NLRC3: variants seen among roughly 807,000 people sequenced by gnomAD.
The protein encoded by NLRC3 is NLR family CARD domain containing 3, also known as NLR family CARD domain-containing protein 3.
NLRC3 carries 87 observed loss-of-function variants against 91.6 expected under a neutral mutation model. The observed-to-expected ratio is 0.95, with a 90% confidence interval of 0.80 to 1.14. The LOEUF is 1.14. Ranked by LOEUF, NLRC3 falls within the 50% of genes most tolerant of loss-of-function variation. The pLI is 0.00. For synonymous variants in NLRC3, 694 were observed against 625.3 expected, an observed-to-expected ratio of 1.11 and a Z score of -1.64; for missense variants, 1,577 against 1,418.6, an observed-to-expected ratio of 1.11 and a Z score of -1.79.
chr16:3,572,763 A>G (rs760185374), intron 1 of NLRC3, among the ~76,000 whole-genome samples: 2 of 152,182 alleles, frequency 1.3e-5, no homozygotes, highest in Non-Finnish European at 2.9e-5. Flanking sequence ...CTGTAATCCT[A>G]GCACTTTGGG....
At chr16:3,545,086 A>G (rs1218316427) in intron 15 of NLRC3, 1 of 152,220 alleles carries the variant, frequency 6.6e-6, no homozygotes, top group Non-Finnish European at 1.5e-5. Context: ...TGAGTGACTG[A>G]GTTTAGCTCA....
At chr16:3,568,492 G>A (rs1310051198) in intron 1 of NLRC3, among the ~76,000 whole-genome samples, 1 of 152,228 alleles carries the variant, frequency 6.6e-6, no homozygotes, top group East Asian at 1.9e-4. Flanking sequence ...GGGAGGCTGA[G>A]GTAGGAGGAT....
At chr16:3,544,162 G>GA (rs60164526) in intron 16 of NLRC3, 84 bp downstream of exon 16, 26,176 of 667,238 alleles carry the variant, frequency 0.039, 4 homozygotes, top group Middle Eastern at 0.046. Context: ...TTGTCTCGAG[G>GA]AAAAAAAAAA....
At chr16:3,577,024 G>C in intron 1 of NLRC3, 125 bp downstream of exon 1, 1 of 680,698 alleles carries the variant, frequency 1.5e-6, no homozygotes, top group South Asian at 1.5e-5. Flanking sequence ...CAGCTTCTTG[G>C]AGTCTCGTGG....
Position 3,544,265 on chromosome 16 carries a change from T to G in NLRC3, c.2836A>C (p.Thr946Pro). ...ACTTACTAGAGAGCAGTGAGGGCTG[T>G]GTTGACCTTCAGTGCACGGGCCACC... ...CAVARALKVNTALTALYLQVA... is the reference protein window; with the variant it reads ...CAVARALKVNPALTALYLQVA... The change falls in exon 16 of 20, where the codon ACA (threonine) becomes CCA (proline). Residue 946 changes from threonine (T) to proline (P), a missense_variant. Coordinates refer to ENST00000359128, the MANE Select transcript of NLRC3 (RefSeq NM_178844.4). 1 of 1,610,870 alleles carries G rather than the reference T, an allele frequency of 6.2e-7. No individual in the cohort carries two copies. The highest frequency in any genetic ancestry group is 8.5e-7 in the Non-Finnish European group (1 of 1,177,254).
At chr16:3,571,224 G>T (rs1221544946) in intron 1 of NLRC3, among the ~76,000 whole-genome samples, 1 of 152,020 alleles carries the variant, frequency 6.6e-6, no homozygotes, top group African/African-American at 2.4e-5. Flanking sequence ...TTATTTTCAG[G>T]TCAATTAAGG....
chr16:3,563,907 G>A lies in NLRC3; in HGVS notation c.1030C>T (p.Arg344Cys), dbSNP rs765941259. 4.4e-5 allele frequency: 70 copies of A among 1,592,570 alleles called. 1 individual carries two copies. The East Asian group carries it at 7.2e-4, about 16-fold the overall frequency. Residue 344 changes from arginine (R) to cysteine (C), a missense_variant, in exon 5 of 20, where the codon CGC becomes TGC. Coordinates refer to ENST00000359128, the MANE Select transcript of NLRC3 (RefSeq NM_178844.4). ...LTGMALGHLW[R>C]SRTGPQDAEL... ...GCATCCTGGGGCCCCGTCCTGCTGC[G>A]CCACAGGTGGCCTAGCGCCATCCCC...
chr16:3,541,340 ATCT>A lies in NLRC3; in HGVS notation c.*482_*484del, dbSNP rs576305159. The A allele has an allele frequency of 3.1e-3, 471 of 153,768 alleles. 6 individuals carry two copies. Among genetic ancestry groups the A allele is most frequent in the Middle Eastern group, 0.01 (3 of 296 alleles). The allele number at this position is 153,768 out of a possible 1,614,324, so 9.5% of individuals were successfully genotyped here. ...ATGTCTGTAAGGATGATACCCTGAA[ATCT>A]TCTTCTTGAGAAGATAAAGAAGGGT... On this transcript the variant is annotated 3_prime_UTR_variant, in exon 20 of 20. Transcript: ENST00000359128.
intron 19 of NLRC3, 121 bp downstream of exon 19, chr16:3,542,070 C>T (rs1020444391): frequency 1.2e-6 from 1 of 837,706 alleles, no homozygotes; most frequent in East Asian, 2.7e-5. Flanking sequence ...CCCCTTAGAC[C>T]AGGTTTCCCT....
intron 9 of NLRC3, among the ~76,000 whole-genome samples, 165 bp downstream of exon 9, chr16:3,554,077 C>T (rs1009675987): frequency 3.9e-5 from 6 of 152,126 alleles, no homozygotes; most frequent in Non-Finnish European, 5.9e-5. Context: ...ATTTCCCCAA[C>T]AGCTGCTCTC....
intron 9 of NLRC3, 143 bp downstream of exon 9, chr16:3,554,099 T>C (rs1354199153): frequency 4.9e-6 from 3 of 613,874 alleles, no homozygotes; most frequent in Non-Finnish European, 9.0e-6. Flanking sequence ...CGAAAAGTAA[T>C]GGGCATCAGG....
chr16:3,572,889 C>T (rs998546720), intron 1 of NLRC3, among the ~76,000 whole-genome samples: 4 of 151,010 alleles, frequency 2.6e-5, no homozygotes, highest in Admixed American at 6.6e-5. Flanking sequence ...GGTGGGTGAC[C>T]GTAATCCCAG....
intron 11 of NLRC3, 33 bp from the exon 12 acceptor site, chr16:3,549,813 G>C (rs929977352): frequency 3.4e-5 from 50 of 1,491,898 alleles, no homozygotes; most frequent in Non-Finnish European, 3.5e-5. Flanking sequence ...GGGTGTGGCT[G>C]TCCCAGGACC....
chr16:3,549,670 T>C (rs746789443), intron 12 of NLRC3, 27 bp downstream of exon 12: 1 of 1,518,806 alleles, frequency 6.6e-7, no homozygotes, highest in East Asian at 2.5e-5. Context: ...AGAAACGCCC[T>C]GTTTGGAGAG....
In NLRC3 at chr16:3,554,232, G is replaced by T. The variant is rs755484226; in HGVS notation, c.2267+10C>A. The T allele has an allele frequency of 1.9e-5, 31 of 1,596,122 alleles. 2 individuals carry two copies. The Admixed American group carries it at 4.0e-4, about 21-fold the overall frequency. ...GAGAGAAGGGGGAGAGAGGAGATGT[G>T]TTCACTCACTGCAGCATGGAGAGGG... On this transcript the variant is annotated intron_variant, in intron 9 of 19. Transcript: ENST00000359128.
chr16:3,564,710 C>G lies in NLRC3; in HGVS notation c.227G>C (p.Gly76Ala). 12 of 1,596,966 alleles carry G rather than the reference C, an allele frequency of 7.5e-6. No homozygotes were observed. Among genetic ancestry groups the G allele is most frequent in the Non-Finnish European group, 8.5e-6 (10 of 1,177,148 alleles). ...CCAGGGTCCGCCCAGCTCCGGGCCA[C>G]CTCCCACCTTGCTCAGCAGGGCCTT... ...HRKALLSKVG[G>A]GPELGGPWHR... is the part of the protein sequence containing the mutation. The change falls in exon 5 of 20, where the codon GGT becomes GCT. Residue 76 changes from glycine (G) to alanine (A), a missense_variant. Gly to Ala is a moderately conservative substitution (Grantham distance 60, BLOSUM62 0). Transcript: ENST00000359128. The surrounding 1 kb of genome is among the most constrained non-coding windows in gnomAD (Gnocchi z 5.9).
chr16:3,561,840 T>TG, intron 5 of NLRC3, 52 bp from the exon 6 acceptor site: 1 of 1,359,420 alleles, frequency 7.4e-7, no homozygotes. Flanking sequence ...ACGGGCAGGG[T>TG]GGGGGCCCTG....
At chr16:3,552,900 A>G (rs1200361082) in intron 9 of NLRC3, among the ~76,000 whole-genome samples, 1 of 152,198 alleles carries the variant, frequency 6.6e-6, no homozygotes, top group Non-Finnish European at 1.5e-5. Context: ...AGATTACGCC[A>G]CTGCACTCCA....
rs780999853 is a variant in NLRC3, at chr16:3,543,528, G to A, written c.2856-20C>T. 3.0e-5 allele frequency: 47 copies of A among 1,590,940 alleles called. No homozygotes were observed. The highest frequency in any genetic ancestry group is 7.8e-5 in the South Asian group (7 of 89,774). ...TGGAGACTGGGGCGGAGAGGGTGCC[G>A]TCAGTGTGAGCCGGCTGGGCCCACC... On this transcript the variant is annotated intron_variant, in intron 16 of 19. Transcript: ENST00000359128.
Sources: allele counts gnomAD v4.1 joint callset (sites outside exome capture counted in the v4.1 genomes callset), GRCh38; gene constraint gnomAD v4.1.1; non-coding constraint Gnocchi (gnomAD v3.1); transcripts MANE v1.5; gene names NCBI Gene and HGNC (gene_info 2026-07-23, HGNC 2026-07-21).